The following GCSAML variants were observed in gnomAD, a reference collection of about 807,000 sequenced individuals.
GCSAML encodes the protein germinal center associated signaling and motility like.
Under a neutral mutation model 13.0 loss-of-function variants are expected in GCSAML, and 9 were observed. The observed-to-expected ratio is 0.69, with a 90% CI of 0.42 to 1.21. The LOEUF (loss-of-function observed/expected upper bound fraction) is 1.21, where lower values mean the gene tolerates loss of function less well. GCSAML is among the 50% of genes most tolerant of loss of function. GCSAML has a pLI of 0.00. For missense variants in GCSAML, 143 were observed against 153.4 expected, an observed-to-expected ratio of 0.93 and a Z score of 0.36; for synonymous variants, 37 against 52.9, an observed-to-expected ratio of 0.70 and a Z score of 1.31.
chr1:247,559,114 C>T (rs982650379), intron 2 of GCSAML, among the ~76,000 whole-genome samples: 6 of 152,148 alleles, frequency 3.9e-5, no homozygotes, highest in Non-Finnish European at 8.8e-5. Context: ...TGTCTGGCAC[C>T]AACACTCAAT....
At chr1:247,549,746 G>A (rs1667702246) in intron 1 of GCSAML, among the ~76,000 whole-genome samples, 2 of 152,180 alleles carry the variant, frequency 1.3e-5, no homozygotes, top group South Asian at 4.1e-4. Flanking sequence ...TGCGGGATAT[G>A]CATTTGAATG....
intron 2 of GCSAML, among the ~76,000 whole-genome samples, chr1:247,539,896 TC>T (rs1667351229): frequency 6.6e-6 from 1 of 152,176 alleles, no homozygotes; most frequent in Non-Finnish European, 1.5e-5. Flanking sequence ...TCCATGAGTA[TC>T]TACTGTCTGC....
At chr1:247,542,297 G>A (rs557174339) in intron 2 of GCSAML, among the ~76,000 whole-genome samples, 18 of 152,238 alleles carry the variant, frequency 1.2e-4, no homozygotes, top group Middle Eastern at 3.4e-3. Flanking sequence ...TTAAAAAAAG[G>A]AAGAAAGAAG....
intron 3 of GCSAML, among the ~76,000 whole-genome samples, chr1:247,564,382 T>TA (rs10701220): frequency 0.5 from 65,857 of 130,640 alleles, 16,293 homozygotes; most frequent in East Asian, 0.92. Flanking sequence ...GAGCCTGTCT[T>TA]AAAAAAAAAA....
chr1:247,542,502 T>C (rs1667446419), intron 2 of GCSAML, among the ~76,000 whole-genome samples: 1 of 152,356 alleles, frequency 6.6e-6, no homozygotes, highest in African/African-American at 2.4e-5. Context: ...TTTTTAAATG[T>C]ACTTTGAGTG....
At chr1:247,531,143 G>A (rs1031944613) in intron 2 of GCSAML, 3 of 197,586 alleles carry the variant, frequency 1.5e-5, no homozygotes, top group Non-Finnish European at 3.1e-5. Context: ...GCAGGCCTGA[G>A]GGCTGGGAGG....
chr1:247,559,850 T>G (rs1015381705), intron 2 of GCSAML, among the ~76,000 whole-genome samples: 1 of 152,182 alleles, frequency 6.6e-6, no homozygotes, highest in Admixed American at 6.5e-5. Context: ...TCTGTTCTTA[T>G]AAAGACACCA....
upstream of GCSAML, chr1:247,548,935 C>T (rs929964082): frequency 7.0e-6 from 5 of 714,250 alleles, no homozygotes; most frequent in African/African-American, 5.3e-5. This position sits in a 1 kb window ranked among gnomAD's most constrained non-coding sequence, Gnocchi z 5.3. Context: ...TGTATGCCCA[C>T]GCGTGTGTGT....
intron 2 of GCSAML, chr1:247,532,675 T>G: frequency 7.3e-6 from 5 of 687,240 alleles, no homozygotes; most frequent in Non-Finnish European, 1.2e-5. Context: ...TTGCCCGGGC[T>G]AACTTCAAAC....
At chr1:247,545,389 C>T (rs1302396114), upstream of GCSAML, among the ~76,000 whole-genome samples, 1 of 152,164 alleles carries the variant, frequency 6.6e-6, no homozygotes, top group Non-Finnish European at 1.5e-5. Flanking sequence ...CAATTATAAG[C>T]ACTGTCAATA....
intron 2 of GCSAML, among the ~76,000 whole-genome samples, chr1:247,557,834 G>C (rs1028075498): frequency 9.2e-5 from 14 of 152,276 alleles, no homozygotes; most frequent in African/African-American, 2.6e-4. Flanking sequence ...TCTTTTATCA[G>C]CTGCTGTGAA....
At chr1:247,556,514 T>G (rs761775183) in intron 2 of GCSAML, 48 bp downstream of exon 2, 1 of 1,380,482 alleles carries the variant, frequency 7.2e-7, no homozygotes, top group South Asian at 1.2e-5. Context: ...TTGTTTTGTT[T>G]TTTCATTGAG....
intron 1 of GCSAML, among the ~76,000 whole-genome samples, chr1:247,510,258 C>A (rs191254403): frequency 6.6e-6 from 1 of 152,106 alleles, no homozygotes; most frequent in East Asian, 1.9e-4. Context: ...GAAATTTAAC[C>A]ATTTCTTCTA....
Position 247,577,276 on chromosome 1 carries a change from G to T in GCSAML, c.*2894G>T, listed in dbSNP as rs912094180. 1 of 152,154 alleles carries T rather than the reference G, an allele frequency of 6.6e-6. No individual in the cohort carries two copies. Among genetic ancestry groups the T allele is most frequent in the African/African-American group, 2.4e-5 (1 of 41,440 alleles). The allele number at this position is 152,154 out of a possible 1,614,324, so 9.4% of individuals were successfully genotyped here. On this transcript the variant is annotated 3_prime_UTR_variant, in exon 5 of 5. Transcript: ENST00000366488. ...AGAAAATGTAACCACTGTAAGGGTA[G>T]AGTTATAAGAATTTTGTCAAATGTA...
At chr1:247,574,045 C>T in intron 4 of GCSAML, 98 bp from the exon 5 acceptor site, 1 of 1,350,348 alleles carries the variant, frequency 7.4e-7, no homozygotes, top group Non-Finnish European at 1.0e-6. Context: ...AGTGTAAGAG[C>T]ACCATCAGGT....
At chr1:247,538,590 A>T (rs1369190051) in intron 2 of GCSAML, 3 of 360,288 alleles carry the variant, frequency 8.3e-6, no homozygotes, top group Non-Finnish European at 1.6e-5. Context: ...ATGTCATAAG[A>T]TTGGAATACT....
intron 3 of GCSAML, 95 bp downstream of exon 3, chr1:247,563,734 T>G: frequency 1.7e-6 from 1 of 589,084 alleles, no homozygotes; most frequent in Non-Finnish European, 3.0e-6. Flanking sequence ...AATAACAGAT[T>G]GGAGAAGAGG....
At chr1:247,519,199 CA>C (rs1365339604) in intron 1 of GCSAML, 1 of 152,304 alleles carries the variant, frequency 6.6e-6, no homozygotes, top group South Asian at 2.1e-4. Context: ...CCATGTCCTT[CA>C]AAGTTAATTG....
intron 2 of GCSAML, among the ~76,000 whole-genome samples, chr1:247,534,311 A>G (rs1667130217): frequency 6.6e-6 from 1 of 152,282 alleles, no homozygotes; most frequent in East Asian, 1.9e-4. Flanking sequence ...CCCTTAATCA[A>G]TATTCATGGA....
Sources: allele counts gnomAD v4.1 joint callset (sites outside exome capture counted in the v4.1 genomes callset), GRCh38; gene constraint gnomAD v4.1.1; non-coding constraint Gnocchi (gnomAD v3.1); transcripts MANE v1.5; gene names NCBI Gene and HGNC (gene_info 2026-07-23, HGNC 2026-07-21).